PCBP3: variants seen among roughly 807,000 people sequenced by gnomAD.
PCBP3 encodes the protein poly(rC)-binding protein 3.
In PCBP3, 25 loss-of-function variants were observed where a neutral mutation model predicts 52.7. The observed-to-expected ratio is 0.47, with a 90% CI of 0.35 to 0.66. The LOEUF is 0.66. PCBP3 is among the 30% of genes least tolerant of loss of function. The pLI is 0.01. For synonymous variants in PCBP3, 162 were observed against 183.0 expected, an observed-to-expected ratio of 0.89 and a Z score of 0.93; for missense variants, 391 against 490.3, an observed-to-expected ratio of 0.80 and a Z score of 1.91.
chr21:45,713,581 A>G (rs1290752103), intron 2 of PCBP3, among the ~76,000 whole-genome samples: 1 of 152,214 alleles, frequency 6.6e-6, no homozygotes, highest in Non-Finnish European at 1.5e-5. Flanking sequence ...ATGGTTATGC[A>G]TGTACCTGAC....
chr21:45,906,310 C>T lies in PCBP3; in HGVS notation c.340-3045C>T, dbSNP rs542757013. Among the ~76,000 whole-genome samples the T allele has an allele frequency of 1.1e-3, 172 of 151,904 alleles. 1 individual carries two copies. The highest frequency in any genetic ancestry group is 3.8e-3 in the African/African-American group (156 of 41,458). ...ATTTTGTTGGTGGCCCTGAGGTCTT[C>T]GGCAGATCAGTATCTTGGTATCTGT... On this transcript the variant is annotated intron_variant, in intron 9 of 17. Transcript: ENST00000681687.
In PCBP3 at chr21:45,670,891, C is replaced by T. The variant is rs181141634; in HGVS notation, c.-200+1939C>T. ...TCCTCTGTGTGGTGATTCGGCCCAG[C>T]TCCTCACAGTGGGTGGTCATGCCAT... On this transcript the variant is annotated intron_variant, in intron 2 of 17. Coordinates refer to ENST00000681687, the MANE Select transcript of PCBP3 (RefSeq NM_001384156.1). 1.2e-3 allele frequency among the ~76,000 whole-genome samples: 181 copies of T among 152,326 alleles called. 1 individual carries two copies. Among genetic ancestry groups the T allele is most frequent in the African/African-American group, 4.2e-3 (175 of 41,580 alleles).
intron 4 of PCBP3, among the ~76,000 whole-genome samples, chr21:45,785,778 G>C (rs2091101210): frequency 6.8e-6 from 1 of 146,086 alleles, no homozygotes; most frequent in Admixed American, 6.8e-5. Context: ...TTTTCATTTT[G>C]TTCTGTACTA....
At chr21:45,691,006 G>A (rs551035171) in intron 2 of PCBP3, among the ~76,000 whole-genome samples, 4 of 152,036 alleles carry the variant, frequency 2.6e-5, no homozygotes, top group South Asian at 2.1e-4. Flanking sequence ...TAACCATTCC[G>A]CTCCCAGATA....
intron 4 of PCBP3, among the ~76,000 whole-genome samples, chr21:45,810,335 G>A (rs2092650358): frequency 6.6e-6 from 1 of 151,662 alleles, no homozygotes; most frequent in Non-Finnish European, 1.5e-5. Flanking sequence ...AGTCTCCTGT[G>A]CTCAAGCAGT....
At position 45,914,039 on chromosome 21, in the gene PCBP3, C is replaced by G. The variant is rs1383905832; in HGVS notation, c.675+14C>G. On this transcript the variant is annotated intron_variant, in intron 12 of 17. Coordinates refer to ENST00000681687, the MANE Select transcript of PCBP3 (RefSeq NM_001384156.1). ...GCAGGTGGTCAGGTAAGAGCCGATC[C>G]GCTCGCGGCCTCCACTGCCAACCTC... 3.1e-6 allele frequency: 5 copies of G among 1,613,310 alleles called. No individual in the cohort carries two copies. The highest frequency in any genetic ancestry group is 4.2e-6 in the Non-Finnish European group (5 of 1,179,934).
At chr21:45,663,340 G>T (rs1164512743) in intron 1 of PCBP3, among the ~76,000 whole-genome samples, 2 of 151,912 alleles carry the variant, frequency 1.3e-5, no homozygotes, top group African/African-American at 4.8e-5. Context: ...GCCACTACTG[G>T]TGTCCGCGTC....
Position 45,909,506 on chromosome 21 carries a change from C to T in PCBP3, c.471+20C>T, listed in dbSNP as rs371466860. The T allele has an allele frequency of 3.5e-5, 57 of 1,609,862 alleles. No homozygotes were observed. In the African/African-American group the frequency reaches 4.5e-4, roughly 13 times the overall value. On this transcript the variant is annotated intron_variant, in intron 10 of 17. Coordinates refer to ENST00000681687, the MANE Select transcript of PCBP3 (RefSeq NM_001384156.1). ...AGGGAGGTAACAGGACCTTCCCAGCCTGGGCCGCTGCGGAGCCTCTAGGCG... is the reference window on the plus strand; with the variant it reads ...AGGGAGGTAACAGGACCTTCCCAGCTTGGGCCGCTGCGGAGCCTCTAGGCG...
intron 15 of PCBP3, among the ~76,000 whole-genome samples, chr21:45,931,600 C>T (rs1392269301): frequency 2.0e-5 from 3 of 152,234 alleles, no homozygotes; most frequent in Admixed American, 1.3e-4. Flanking sequence ...CCTGGAATGT[C>T]GTCATCTTCA....
In PCBP3 at chr21:45,758,333, T is replaced by C. The variant is rs575663572; in HGVS notation, c.-126+2881T>C. 2.0e-5 allele frequency among the ~76,000 whole-genome samples: 3 copies of C among 152,370 alleles called. No individual in the cohort carries two copies. In the East Asian group the frequency reaches 5.8e-4, roughly 29 times the overall value. ...ATTCCATGTGAATTTTAGGATCAGC[T>C]TGCCATTTCAATAAATAATGGCAGA... On this transcript the variant is annotated intron_variant, in intron 4 of 17. Coordinates refer to ENST00000681687, the MANE Select transcript of PCBP3 (RefSeq NM_001384156.1).
chr21:45,752,559 A>T (rs1247657203), intron 3 of PCBP3, among the ~76,000 whole-genome samples: 7 of 151,966 alleles, frequency 4.6e-5, no homozygotes, highest in Non-Finnish European at 1.0e-4. Flanking sequence ...TTGGCTTATG[A>T]GTTATTTAGA....
chr21:45,843,233 T>G (rs1480709172), intron 4 of PCBP3, among the ~76,000 whole-genome samples: 2 of 152,174 alleles, frequency 1.3e-5, no homozygotes, highest in Admixed American at 6.5e-5. Context: ...GAGAGAGGTG[T>G]CTATTCCATC....
chr21:45,915,777 C>T (rs571368123), intron 12 of PCBP3: 12 of 152,400 alleles, frequency 7.9e-5, no homozygotes, highest in African/African-American at 2.2e-4. Flanking sequence ...AGGACAGAGT[C>T]GCAGGGAGTT....
intron 2 of PCBP3, among the ~76,000 whole-genome samples, chr21:45,700,110 T>C (rs1350446381): frequency 6.6e-6 from 1 of 152,172 alleles, no homozygotes; most frequent in East Asian, 1.9e-4. Context: ...GTGACAATGT[T>C]TGATGAGTCT....
intron 2 of PCBP3, among the ~76,000 whole-genome samples, chr21:45,706,660 G>A (rs541156841): frequency 4.6e-5 from 7 of 152,202 alleles, no homozygotes; most frequent in Non-Finnish European, 8.8e-5. Flanking sequence ...AATCCCAAAT[G>A]ACATGAGGAG....
chr21:45,790,625 A>G (rs2091476605), intron 4 of PCBP3, among the ~76,000 whole-genome samples: 1 of 152,076 alleles, frequency 6.6e-6, no homozygotes, highest in Non-Finnish European at 1.5e-5. Context: ...CAGTGGAGGA[A>G]CAAGCAGAGT....
chr21:45,874,124 GGCCCGCTT>G (rs2095152526), intron 5 of PCBP3, among the ~76,000 whole-genome samples: 1 of 152,186 alleles, frequency 6.6e-6, no homozygotes, highest in Non-Finnish European at 1.5e-5. Flanking sequence ...CACCGCGCCC[GGCCCGCTT>G]GTCTATTCTT....
chr21:45,709,257 GA>G (rs2083666901), intron 2 of PCBP3, among the ~76,000 whole-genome samples: 1 of 152,218 alleles, frequency 6.6e-6, no homozygotes, highest in Non-Finnish European at 1.5e-5. Flanking sequence ...TAAGAATTAA[GA>G]AATATTTTGG....
intron 2 of PCBP3, among the ~76,000 whole-genome samples, chr21:45,694,344 C>G (rs1013634034): frequency 2.6e-5 from 4 of 152,008 alleles, no homozygotes; most frequent in Non-Finnish European, 5.9e-5. Context: ...ATTTTAAAAG[C>G]AAGGATGTAG....
Sources: gnomAD v4.1 joint callset for allele counts (sites outside exome capture counted in the v4.1 genomes callset) on GRCh38, gnomAD v4.1.1 for gene constraint, MANE v1.5 for transcripts, NCBI Gene and HGNC (gene_info 2026-07-23, HGNC 2026-07-21) for gene names.